The following PCDHA6 variants were observed in gnomAD, a reference collection of about 807,000 sequenced individuals.
PCDHA6 encodes the protein protocadherin alpha-6.
Under a neutral mutation model 60.3 loss-of-function variants are expected in PCDHA6, and 55 were observed. The ratio of observed to expected loss-of-function variants is 0.91; its 90% CI spans 0.73 to 1.14. PCDHA6 has a LOEUF of 1.14. Among genes scored for constraint, PCDHA6 ranks in the 50% most tolerant of loss-of-function variants. PCDHA6 has a pLI of 0.00. For synonymous variants in PCDHA6, 652 were observed against 557.9 expected, an observed-to-expected ratio of 1.17 and a Z score of -2.38; for missense variants, 1,327 against 1,256.5, an observed-to-expected ratio of 1.06 and a Z score of -0.85.
intron 1 of PCDHA6, chr5:140,927,595 C>A (rs2084392576): frequency 1.2e-6 from 2 of 1,614,038 alleles, no homozygotes; most frequent in South Asian, 2.2e-5. Context: ...TGTATTTGAG[C>A]GCTCCGTATA....
At position 140,855,260 on chromosome 5, in the gene PCDHA6, A is replaced by G. The variant is rs146587233; in HGVS notation, c.2394+24775A>G. ...TACTATTGCAAGCACTTACTATATT[A>G]TAATTCACTCAACCACCGTATTACT... is the stretch of plus-strand genomic sequence containing the variant. On this transcript the variant is annotated intron_variant, in intron 1 of 3. Coordinates refer to ENST00000529310, the MANE Select transcript of PCDHA6 (RefSeq NM_018909.4). Among the ~76,000 whole-genome samples, 51 of 149,956 alleles carry G rather than the reference A, an allele frequency of 3.4e-4. No homozygotes were observed. In the East Asian group the frequency reaches 7.5e-3, roughly 22 times the overall value.
chr5:140,933,379 G>T (rs1403607512), intron 1 of PCDHA6, among the ~76,000 whole-genome samples: 1 of 151,928 alleles, frequency 6.6e-6, no homozygotes, highest in Non-Finnish European at 1.5e-5. Flanking sequence ...TTCCTTGGCT[G>T]TTCCTAGAGC....
At chr5:140,866,876 T>A (rs1554160645) in intron 1 of PCDHA6, 2 of 152,134 alleles carry the variant, frequency 1.3e-5, no homozygotes, top group African/African-American at 4.8e-5. Context: ...CTTCTTGGTA[T>A]TAGCCTATAC....
Position 140,993,460 on chromosome 5 carries a change from T to TCC in PCDHA6, c.2542+10898_2542+10899insCC, listed in dbSNP as rs1554253699. ...TTCATTCCTGTTCTCCTTCTTTCTT[T>TCC]CTCACACACACACACACACACACAC... On this transcript the variant is annotated intron_variant, in intron 3 of 3. Coordinates refer to ENST00000529310, the MANE Select transcript of PCDHA6 (RefSeq NM_018909.4). Among the ~76,000 whole-genome samples, 535 of 104,558 alleles carry TCC rather than the reference T, an allele frequency of 5.1e-3. 5 individuals carry two copies. Among genetic ancestry groups the TCC allele is most frequent in the African/African-American group, 0.02 (517 of 25,554 alleles). The allele number at this position is 104,558 out of a possible 152,430, so 68.6% of individuals were successfully genotyped here. A position where few individuals can be genotyped will look rare whatever the true frequency, so the allele number is the denominator to read the frequency against.
chr5:140,887,238 C>A (rs1191260946), intron 1 of PCDHA6, among the ~76,000 whole-genome samples: 3 of 151,738 alleles, frequency 2.0e-5, no homozygotes, highest in African/African-American at 4.8e-5. Flanking sequence ...CTGAGACTAC[C>A]GGCGCCCGCC....
At chr5:140,860,288 G>A (rs1305065556) in intron 1 of PCDHA6, 2 of 151,928 alleles carry the variant, frequency 1.3e-5, no homozygotes, top group African/African-American at 4.8e-5. Context: ...GGGTGAGGTG[G>A]GAGGACGGCT....
At chr5:140,936,425 T>C (rs1471918068) in intron 1 of PCDHA6, among the ~76,000 whole-genome samples, 2 of 152,244 alleles carry the variant, frequency 1.3e-5, no homozygotes, top group Non-Finnish European at 2.9e-5. Flanking sequence ...TAATTTTAAT[T>C]AATTTAAGCT....
intron 1 of PCDHA6, chr5:140,883,112 A>T (rs141106500): frequency 1.9e-6 from 3 of 1,614,156 alleles, no homozygotes; most frequent in Non-Finnish European, 2.5e-6. Context: ...TTACTCATTT[A>T]GAAGGCCTGT....
chr5:140,976,584 A>G (rs2096724055), intron 1 of PCDHA6, among the ~76,000 whole-genome samples: 1 of 152,070 alleles, frequency 6.6e-6, no homozygotes. Context: ...TAAAACACAG[A>G]CTTTTGTGTT....
chr5:140,930,231 A>G (rs1234850185), intron 1 of PCDHA6: 3 of 152,238 alleles, frequency 2.0e-5, no homozygotes, highest in Non-Finnish European at 4.4e-5. Context: ...TGCACTTACC[A>G]TCCAAAGTCC....
chr5:140,830,047 A>AGAC lies in PCDHA6; in HGVS notation c.1957_1959dup (p.Asp653dup). On this transcript the variant is annotated inframe_insertion, in exon 1 of 4. Coordinates refer to ENST00000529310, the MANE Select transcript of PCDHA6 (RefSeq NM_018909.4). The stretch of plus-strand genomic sequence containing the variant: ...GCCACCGGCTGCTGGTGCTGGTGAA[A>AGAC]GACCACGGTGAGCCGGCGCTGACAG... The AGAC allele has an allele frequency of 6.2e-7, 1 of 1,613,730 alleles. No individual in the cohort carries two copies. Among genetic ancestry groups the AGAC allele is most frequent in the Non-Finnish European group, 8.5e-7 (1 of 1,179,880 alleles).
chr5:140,982,985 A>C (rs2097019022), intron 3 of PCDHA6, among the ~76,000 whole-genome samples: 1 of 152,162 alleles, frequency 6.6e-6, no homozygotes, highest in Non-Finnish European at 1.5e-5. Flanking sequence ...AAAGAAAGAG[A>C]AAAAGAAGGA....
At chr5:140,836,551 G>A in intron 1 of PCDHA6, 1 of 1,613,756 alleles carries the variant, frequency 6.2e-7, no homozygotes, top group South Asian at 1.1e-5. Context: ...GCGTTGCGGT[G>A]CTCAGCGCCG....
intron 1 of PCDHA6, chr5:140,967,346 G>C (rs1332345482): frequency 6.2e-7 from 1 of 1,607,970 alleles, no homozygotes; most frequent in Non-Finnish European, 8.5e-7. Context: ...CGAGCACTTC[G>C]AGCTGGACCT....
Position 140,875,735 on chromosome 5 carries a change from C to G in PCDHA6, c.2394+45250C>G, listed in dbSNP as rs376701509. ...CAGAATGGCATTTTGTTTGTGAATT[C>G]TCGGATCGACCGCGAGAAGCTGTGC... is the stretch of plus-strand genomic sequence containing the variant. On this transcript the variant is annotated intron_variant, in intron 1 of 3. Coordinates refer to ENST00000529310, the MANE Select transcript of PCDHA6 (RefSeq NM_018909.4). The G allele has an allele frequency of 5.0e-5, 80 of 1,614,232 alleles. No individual in the cohort carries two copies. The South Asian group carries it at 5.4e-4, about 11-fold the overall frequency.
chr5:140,912,612 A>T (rs1286245692), intron 1 of PCDHA6, among the ~76,000 whole-genome samples: 1 of 151,994 alleles, frequency 6.6e-6, no homozygotes, highest in South Asian at 2.1e-4. Context: ...CTCTTGTCTG[A>T]TTACTCTGGA....
chr5:140,977,564 A>G (rs2096766034), intron 1 of PCDHA6, among the ~76,000 whole-genome samples: 1 of 152,178 alleles, frequency 6.6e-6, no homozygotes, highest in African/African-American at 2.4e-5. Flanking sequence ...TTGCTAGCAG[A>G]TTGGTAGAAT....
chr5:140,872,802 A>T (rs533671542), intron 1 of PCDHA6, among the ~76,000 whole-genome samples: 128 of 152,330 alleles, frequency 8.4e-4, no homozygotes, highest in Admixed American at 2.4e-3. Flanking sequence ...GCATTCTTCC[A>T]TAAGTTTTTC....
chr5:140,963,526 T>G (rs1359195018), intron 1 of PCDHA6, among the ~76,000 whole-genome samples: 3 of 152,204 alleles, frequency 2.0e-5, no homozygotes, highest in Non-Finnish European at 4.4e-5. Flanking sequence ...ATAACAGAAG[T>G]CCCATTTACT....
Sources: gnomAD v4.1 joint callset for allele counts (sites outside exome capture counted in the v4.1 genomes callset) on GRCh38, gnomAD v4.1.1 for gene constraint, MANE v1.5 for transcripts, NCBI Gene and HGNC (gene_info 2026-07-23, HGNC 2026-07-21) for gene names.